Variants in SOCS5 observed in about 807,000 individuals in gnomAD.
SOCS5 encodes the protein suppressor of cytokine signaling 5.
SOCS5 carries 32 observed loss-of-function variants against 42.8 expected under a neutral mutation model. That is an observed-to-expected ratio of 0.75 (90% CI 0.56 to 1.01). SOCS5 has a LOEUF of 1.01. Among genes scored for constraint, SOCS5 ranks in the 50% least tolerant of loss-of-function variants. The pLI, the probability that SOCS5 is intolerant of heterozygous loss-of-function variation, is 0.00. For missense variants in SOCS5, 627 were observed against 653.0 expected, an observed-to-expected ratio of 0.96 and a Z score of 0.43; for synonymous variants, 283 against 229.6, an observed-to-expected ratio of 1.23 and a Z score of -2.10.
chr2:46,759,649 G>C lies in SOCS5; in HGVS notation c.1119G>C (p.Leu373Phe). 1 of 1,614,094 alleles carries C rather than the reference G, an allele frequency of 6.2e-7. No homozygotes were observed. Among genetic ancestry groups the C allele is most frequent in the Non-Finnish European group, 8.5e-7 (1 of 1,179,978 alleles). ...IDYIHCLVPD[L>F]LQITGNPCYW... ...ACATACACTGCCTCGTGCCTGATTT[G>C]CTTCAAATTACAGGGAATCCCTGTT... is the stretch of plus-strand genomic sequence containing the variant. The change falls in exon 2 of 2, where the codon TTG becomes TTC. Residue 373 changes from leucine to phenylalanine, a missense_variant. By Grantham distance (22) the Leu-to-Phe change is conservative (BLOSUM62 0). Coordinates refer to ENST00000394861, the MANE Select transcript of SOCS5 (RefSeq NM_144949.3).
In SOCS5 at chr2:46,761,151, T is replaced by G. The variant is rs571007033; in HGVS notation, c.*1010T>G. The stretch of plus-strand genomic sequence containing the variant: ...ATAATTTATAGAATTTCAGTGCAGT[T>G]CATTCTTAATGGAAAATCTGAAACC... On this transcript the variant is annotated 3_prime_UTR_variant, in exon 2 of 2. Transcript: ENST00000394861. 6.0e-6 allele frequency: 1 copy of G among 167,222 alleles called. No individual in the cohort carries two copies. Among genetic ancestry groups the G allele is most frequent in the Admixed American group, 6.5e-5 (1 of 15,300 alleles). The allele number at this position is 167,222 out of a possible 1,614,324, so 10.4% of individuals were successfully genotyped here.
At chr2:46,702,146 T>C (rs1308041029) in intron 1 of SOCS5, among the ~76,000 whole-genome samples, 9 of 152,118 alleles carry the variant, frequency 5.9e-5, no homozygotes, top group Admixed American at 1.3e-4. Flanking sequence ...TAACTGTGCC[T>C]ACCTACTACA....
intron 1 of SOCS5, among the ~76,000 whole-genome samples, chr2:46,737,922 A>G (rs557453024): frequency 6.6e-6 from 1 of 152,342 alleles, no homozygotes; most frequent in Admixed American, 6.5e-5. Flanking sequence ...TTTAAGAAGC[A>G]ATATAAGACC....
intron 1 of SOCS5, among the ~76,000 whole-genome samples, chr2:46,707,887 C>A (rs1672533251): frequency 6.6e-6 from 1 of 152,180 alleles, no homozygotes. Context: ...GCCTAGCCTA[C>A]CTTAAATGTG....
rs1018896097 is a variant in SOCS5 at position 46,699,903 on chromosome 2, T to G, written c.-13+454T>G. ...GTCACTTGGGGCTCCAAGAGCCCGA[T>G]CTGGGGGTCTTCAAGGTCGAGGAGA... is the stretch of plus-strand genomic sequence containing the variant. On this transcript the variant is annotated intron_variant, in intron 1 of 1. Transcript: ENST00000394861. This position sits in a 1 kb window ranked among gnomAD's most constrained non-coding sequence, Gnocchi z 4.8. 2.0e-4 allele frequency among the ~76,000 whole-genome samples: 31 copies of G among 151,872 alleles called. No individual in the cohort carries two copies. The highest frequency in any genetic ancestry group is 6.5e-4 in the African/African-American group (27 of 41,320).
In SOCS5 at chr2:46,758,973, G is replaced by C. The variant is rs1467587563; in HGVS notation, c.443G>C (p.Gly148Ala). 4 of 1,613,958 alleles carry C rather than the reference G, an allele frequency of 2.5e-6. No homozygotes were observed. The highest frequency in any genetic ancestry group is 3.4e-6 in the Non-Finnish European group (4 of 1,179,852). Residue 148 changes from glycine to alanine, a missense_variant, in exon 2 of 2, where the codon GGA becomes GCA. Coordinates refer to ENST00000394861, the MANE Select transcript of SOCS5 (RefSeq NM_144949.3). ...ADKKFGRTRS[G>A]LQRRERRYGV... The stretch of plus-strand genomic sequence containing the variant: ...AAAAAGTTTGGTAGAACTCGAAGTG[G>C]ACTTCAAAGGAGAGAGAGGCGCTAC...
At chr2:46,720,443 C>A (rs907433895) in intron 1 of SOCS5, among the ~76,000 whole-genome samples, 12 of 152,120 alleles carry the variant, frequency 7.9e-5, no homozygotes, top group Non-Finnish European at 1.3e-4. Flanking sequence ...ACTGTGAGAT[C>A]TGGCTATTTT....
intron 1 of SOCS5, among the ~76,000 whole-genome samples, chr2:46,727,693 A>G (rs1277696998): frequency 6.6e-6 from 1 of 152,024 alleles, no homozygotes; most frequent in South Asian, 2.1e-4. Flanking sequence ...TTCAGTTCTC[A>G]TAGTTTTTGG....
At chr2:46,728,490 A>G (rs1016208579) in intron 1 of SOCS5, among the ~76,000 whole-genome samples, 3 of 152,172 alleles carry the variant, frequency 2.0e-5, no homozygotes, top group Non-Finnish European at 4.4e-5. Context: ...TCCTCATTTT[A>G]GGCATGAGGA....
chr2:46,738,635 TC>T (rs1673304933), intron 1 of SOCS5, among the ~76,000 whole-genome samples: 1 of 152,190 alleles, frequency 6.6e-6, no homozygotes, highest in Non-Finnish European at 1.5e-5. Flanking sequence ...CCCATACACA[TC>T]CAGTTGTATT....
At chr2:46,724,504 A>G (rs779412434) in intron 1 of SOCS5, among the ~76,000 whole-genome samples, 2 of 151,958 alleles carry the variant, frequency 1.3e-5, no homozygotes, top group Non-Finnish European at 2.9e-5. Context: ...TTTTGTTAAT[A>G]TAAGTATTTA....
chr2:46,744,817 C>T (rs183112372), intron 1 of SOCS5, among the ~76,000 whole-genome samples: 22 of 151,696 alleles, frequency 1.5e-4, no homozygotes, highest in Admixed American at 7.9e-4. Context: ...CGTGAGCCAC[C>T]GCGCCCGGCT....
chr2:46,714,410 G>T (rs1258475074), intron 1 of SOCS5, among the ~76,000 whole-genome samples: 6 of 152,130 alleles, frequency 3.9e-5, no homozygotes, highest in Admixed American at 3.9e-4. Context: ...TTTATCCCAG[G>T]TAGTTTCCGT....
At chr2:46,758,129 C>T (rs760798803) in intron 1 of SOCS5, among the ~76,000 whole-genome samples, 19 of 152,196 alleles carry the variant, frequency 1.2e-4, no homozygotes, top group Non-Finnish European at 2.4e-4. Context: ...CTAGTTACAA[C>T]TTTTGAAAAG....
chr2:46,710,674 G>T (rs1359777060), intron 1 of SOCS5, among the ~76,000 whole-genome samples: 2 of 152,124 alleles, frequency 1.3e-5, no homozygotes, highest in Non-Finnish European at 2.9e-5. Flanking sequence ...AGTGGTGAAA[G>T]ACTGAGTTCT....
In SOCS5 at chr2:46,761,946, A is replaced by G. The variant is rs976675104; in HGVS notation, c.*1805A>G. 5 of 167,042 alleles carry G rather than the reference A, an allele frequency of 3.0e-5. No individual in the cohort carries two copies. The highest frequency in any genetic ancestry group is 5.9e-5 in the Non-Finnish European group (4 of 68,080). 10.3% of individuals were successfully genotyped at this position (167,042 alleles called of 1,614,324 possible). A position where few individuals can be genotyped will look rare whatever the true frequency, so the allele number is the denominator to read the frequency against. On this transcript the variant is annotated 3_prime_UTR_variant, in exon 2 of 2. Coordinates refer to ENST00000394861, the MANE Select transcript of SOCS5 (RefSeq NM_144949.3). ...ATCCAATGACATATTATAGTAAATG[A>G]GTATCTGTAACCTCCCACTGCATCA...
At chr2:46,729,856 AC>A (rs1251534604) in intron 1 of SOCS5, among the ~76,000 whole-genome samples, 1 of 152,208 alleles carries the variant, frequency 6.6e-6, no homozygotes, top group African/African-American at 2.4e-5. Context: ...ATTCTTTATA[AC>A]TTTTTGCCTA....
chr2:46,755,406 T>A (rs1451530702), intron 1 of SOCS5, among the ~76,000 whole-genome samples: 5 of 152,310 alleles, frequency 3.3e-5, no homozygotes, highest in Admixed American at 6.5e-5. Context: ...CATTTTTATA[T>A]ATGTAAACTT....
At chr2:46,699,183 T>G (rs1672283121), upstream of SOCS5, 3 of 148,556 alleles carry the variant, frequency 2.0e-5, no homozygotes, top group African/African-American at 2.5e-5. This position sits in a 1 kb window ranked among gnomAD's most constrained non-coding sequence, Gnocchi z 4.8. Context: ...TTTTCCATTC[T>G]GGTGGGGGTT....
Sources: allele counts gnomAD v4.1 joint callset (sites outside exome capture counted in the v4.1 genomes callset), GRCh38; gene constraint gnomAD v4.1.1; non-coding constraint Gnocchi (gnomAD v3.1); transcripts MANE v1.5; gene names NCBI Gene and HGNC (gene_info 2026-07-23, HGNC 2026-07-21).